FTO: variants seen among roughly 807,000 people sequenced by gnomAD.
FTO encodes FTO alpha-ketoglutarate dependent dioxygenase.
FTO carries 47 observed loss-of-function variants against 63.9 expected under a neutral mutation model. The observed-to-expected ratio is 0.74, with a 90% CI of 0.58 to 0.94. FTO has a LOEUF of 0.94. Ranked by LOEUF, FTO falls within the 40% of genes least tolerant of loss-of-function variation. FTO has a pLI of 0.00. For missense variants in FTO, 562 were observed against 618.1 expected, an observed-to-expected ratio of 0.91 and a Z score of 0.96; for synonymous variants, 207 against 224.4, an observed-to-expected ratio of 0.92 and a Z score of 0.69.
chr16:53,798,074 C>G (rs1276380841), intron 1 of FTO, among the ~76,000 whole-genome samples: 3 of 152,016 alleles, frequency 2.0e-5, no homozygotes, highest in Non-Finnish European at 4.4e-5. Context: ...TGTTAGGACT[C>G]TTCTTTCTCC....
intron 8 of FTO, among the ~76,000 whole-genome samples, chr16:53,948,669 T>G (rs758741821): frequency 6.6e-6 from 1 of 152,250 alleles, no homozygotes; most frequent in Admixed American, 6.5e-5. Context: ...ATATTGTATG[T>G]GTATGCTTCC....
intron 8 of FTO, among the ~76,000 whole-genome samples, chr16:54,062,914 C>T (rs1408939336): frequency 7.9e-5 from 12 of 152,180 alleles, no homozygotes; most frequent in Admixed American, 3.9e-4. Context: ...AGAGATCTGT[C>T]AGCAGAGAGA....
intron 8 of FTO, among the ~76,000 whole-genome samples, chr16:53,939,038 C>T (rs573006793): frequency 5.1e-4 from 77 of 152,150 alleles, no homozygotes; most frequent in African/African-American, 1.8e-3. Context: ...GCGGAGCTTG[C>T]AGTGAGCCGA....
At chr16:53,925,943 T>A (rs1164927084) in intron 7 of FTO, among the ~76,000 whole-genome samples, 3 of 152,166 alleles carry the variant, frequency 2.0e-5, no homozygotes, top group African/African-American at 4.8e-5. Context: ...TAATTTGCAT[T>A]CAGTCTCTCT....
intron 7 of FTO, among the ~76,000 whole-genome samples, chr16:53,916,667 A>T (rs918030336): frequency 1.3e-5 from 2 of 152,258 alleles, no homozygotes; most frequent in Non-Finnish European, 2.9e-5. Context: ...AGCACTAAAC[A>T]TATACACAGA....
chr16:53,806,837 C>G (rs2078384968), intron 1 of FTO, among the ~76,000 whole-genome samples: 1 of 152,150 alleles, frequency 6.6e-6, no homozygotes, highest in Non-Finnish European at 1.5e-5. Context: ...GGATCACTGG[C>G]TCACATGGGA....
At chr16:54,054,865 G>A (rs572649435) in intron 8 of FTO, among the ~76,000 whole-genome samples, 38 of 152,278 alleles carry the variant, frequency 2.5e-4, no homozygotes, top group African/African-American at 8.2e-4. Context: ...AAGAAAAGGC[G>A]GAACTTAGTT....
At chr16:54,068,508 C>T (rs2085785491) in intron 8 of FTO, among the ~76,000 whole-genome samples, 1 of 152,128 alleles carries the variant, frequency 6.6e-6, no homozygotes, top group Non-Finnish European at 1.5e-5. Flanking sequence ...CTATTGTTCA[C>T]ATGTCCCCAT....
intron 8 of FTO, among the ~76,000 whole-genome samples, chr16:54,074,880 C>CAG (rs2085948570): frequency 2.7e-5 from 4 of 148,268 alleles, no homozygotes; most frequent in Admixed American, 1.4e-4. Context: ...TAGCTTTAAC[C>CAG]AGAACTGGAA....
chr16:54,115,773 A>G lies in FTO; in HGVS notation c.*3858A>G, dbSNP rs191109874. 1 of 152,350 alleles carries G rather than the reference A, an allele frequency of 6.6e-6. No homozygotes were observed. The highest frequency in any genetic ancestry group is 1.9e-4 in the East Asian group (1 of 5,156). The allele number at this position is 152,350 out of a possible 1,614,324, so 9.4% of individuals were successfully genotyped here. On this transcript the variant is annotated 3_prime_UTR_variant, in exon 9 of 9. Transcript: ENST00000471389. Reference sequence around the variant, plus strand: ...TTTCAAGCAGCAAGGGCATGGAAGTAACTTGGTGAGATATTTTTATGCATT... The same window carrying G: ...TTTCAAGCAGCAAGGGCATGGAAGTGACTTGGTGAGATATTTTTATGCATT...
At chr16:53,974,941 T>C (rs2083402350) in intron 8 of FTO, among the ~76,000 whole-genome samples, 1 of 152,196 alleles carries the variant, frequency 6.6e-6, no homozygotes, top group Non-Finnish European at 1.5e-5. Flanking sequence ...GAAGATTGTG[T>C]AATAATGTCA....
intron 6 of FTO, chr16:53,887,731 C>A (rs1164470222): frequency 1.3e-5 from 2 of 152,224 alleles, no homozygotes; most frequent in Non-Finnish European, 2.9e-5. Context: ...CTTTTGGTCT[C>A]AAGCATTTCA....
chr16:54,036,796 A>C (rs1271986040), intron 8 of FTO, among the ~76,000 whole-genome samples: 1 of 152,232 alleles, frequency 6.6e-6, no homozygotes, highest in Non-Finnish European at 1.5e-5. Flanking sequence ...ATAGATGTGT[A>C]GTAATACAGA....
At chr16:53,796,938 C>T (rs1324381426) in intron 1 of FTO, among the ~76,000 whole-genome samples, 2 of 152,310 alleles carry the variant, frequency 1.3e-5, no homozygotes, top group East Asian at 1.9e-4. Flanking sequence ...TCCTTTTCTC[C>T]TTCTCTCCCC....
At chr16:53,707,475 G>T (rs2151455807) in intron 1 of FTO, among the ~76,000 whole-genome samples, 1 of 152,312 alleles carries the variant, frequency 6.6e-6, no homozygotes, top group South Asian at 2.1e-4. Context: ...ATTCACACGT[G>T]CCGGGTTTTT....
At chr16:53,824,394 G>A (rs1388998946) in intron 2 of FTO, among the ~76,000 whole-genome samples, 2 of 152,098 alleles carry the variant, frequency 1.3e-5, no homozygotes, top group East Asian at 3.9e-4. Flanking sequence ...CATATTTCTG[G>A]TGCCTTCTTT....
chr16:53,820,633 C>A (rs1040182755), intron 2 of FTO, among the ~76,000 whole-genome samples: 2 of 147,606 alleles, frequency 1.4e-5, no homozygotes, highest in African/African-American at 2.5e-5. Context: ...TCCCCCTCCC[C>A]CCACCCCACA....
At position 53,994,730 on chromosome 16, in the gene FTO, G is replaced by A. The variant is rs566466450; in HGVS notation, c.1364+60621G>A. 9.2e-5 allele frequency among the ~76,000 whole-genome samples: 14 copies of A among 151,462 alleles called. 1 individual carries two copies. The South Asian group carries it at 2.9e-3, about 32-fold the overall frequency. ...GCCCTTCCTTTCTGTCAACTCAAGTGTTTCCTCCTTTTTTTTTTTCTGAGA... is the reference window on the plus strand; with the variant it reads ...GCCCTTCCTTTCTGTCAACTCAAGTATTTCCTCCTTTTTTTTTTTCTGAGA... On this transcript the variant is annotated intron_variant, in intron 8 of 8. Transcript: ENST00000471389.
chr16:53,928,663 AT>A (rs1159684268), intron 7 of FTO, among the ~76,000 whole-genome samples: 2 of 151,952 alleles, frequency 1.3e-5, no homozygotes, highest in African/African-American at 4.8e-5. Flanking sequence ...ATTTCTTTAT[AT>A]TTTTACTACT....
Sources: allele counts gnomAD v4.1 joint callset (sites outside exome capture counted in the v4.1 genomes callset), GRCh38; gene constraint gnomAD v4.1.1; transcripts MANE v1.5; gene names NCBI Gene and HGNC (gene_info 2026-07-23, HGNC 2026-07-21).